Variants in CNGB1 observed in about 807,000 individuals in gnomAD.
CNGB1 encodes cyclic nucleotide gated channel subunit beta 1.
A neutral mutation model predicts 151.7 loss-of-function variants in CNGB1; 126 were observed. The observed-to-expected ratio is 0.83, with a 90% CI of 0.72 to 0.96. The LOEUF (loss-of-function observed/expected upper bound fraction) is 0.96, where lower values mean the gene tolerates loss of function less well. CNGB1 is among the 40% of genes least tolerant of loss of function. The pLI, the probability that CNGB1 is intolerant of heterozygous loss-of-function variation, is 0.00. For missense variants in CNGB1, 1,698 were observed against 1,627.0 expected (o/e 1.04, Z -0.75); for synonymous variants, 623 against 635.1 (o/e 0.98, Z 0.29).
intron 17 of CNGB1, among the ~76,000 whole-genome samples, chr16:57,926,049 G>T (rs1252635862): frequency 6.6e-6 from 1 of 152,156 alleles, no homozygotes; most frequent in African/African-American, 2.4e-5. Flanking sequence ...GAATCCACAG[G>T]CAGGGAGCTT....
intron 16 of CNGB1, among the ~76,000 whole-genome samples, chr16:57,933,505 G>A (rs1202015146): frequency 6.6e-6 from 1 of 152,106 alleles, no homozygotes; most frequent in Non-Finnish European, 1.5e-5. Flanking sequence ...AGGGACTGCA[G>A]GGACAGGTCT....
intron 12 of CNGB1, among the ~76,000 whole-genome samples, chr16:57,951,981 T>A (rs1961959957): frequency 6.6e-6 from 1 of 152,262 alleles, no homozygotes; most frequent in African/African-American, 2.4e-5. Flanking sequence ...GCCCCTGGGG[T>A]TTGGCCAGGG....
At chr16:57,952,244 G>A (rs954502494) in intron 12 of CNGB1, among the ~76,000 whole-genome samples, 2 of 152,212 alleles carry the variant, frequency 1.3e-5, no homozygotes, top group African/African-American at 4.8e-5. Flanking sequence ...GAGAGGCTGA[G>A]TGTCTTGTCC....
chr16:57,947,101 G>A (rs138324229), intron 14 of CNGB1, among the ~76,000 whole-genome samples: 1 of 152,226 alleles, frequency 6.6e-6, no homozygotes, highest in East Asian at 1.9e-4. Context: ...ATGTAAGTGT[G>A]TGCATAACCC....
chr16:57,900,648 G>A (rs567570505), intron 29 of CNGB1, among the ~76,000 whole-genome samples: 5 of 152,152 alleles, frequency 3.3e-5, no homozygotes, highest in African/African-American at 1.2e-4. Context: ...CTAGGGTGGG[G>A]CAGTGGGGAG....
Position 57,952,493 on chromosome 16 carries a change from C to CTTT in CNGB1, c.875-1956_875-1954dup, listed in dbSNP as rs10598722. On this transcript the variant is annotated intron_variant, in intron 12 of 32. Coordinates refer to ENST00000251102, the MANE Select transcript of CNGB1 (RefSeq NM_001297.5). ...TGCGTGGGTGTTTTACAAGCATTTC[C>CTTT]TTTTTTTTTTTTTTTTTTTTTTTTT... Among the ~76,000 whole-genome samples the CTTT allele has an allele frequency of 1.7e-3, 104 of 62,150 alleles. 10 individuals are homozygous for CTTT. Among genetic ancestry groups the CTTT allele is most frequent in the South Asian group, 2.8e-3 (3 of 1,064 alleles). 40.8% of individuals were successfully genotyped at this position (62,150 alleles called of 152,430 possible).
chr16:57,949,954 T>C (rs1263878980), intron 13 of CNGB1, among the ~76,000 whole-genome samples: 1 of 152,178 alleles, frequency 6.6e-6, no homozygotes, highest in Non-Finnish European at 1.5e-5. Flanking sequence ...AATAACAAAA[T>C]TTTGGAACCA....
At chr16:57,885,580 T>TCTCTC (rs746385217) in intron 32 of CNGB1, among the ~76,000 whole-genome samples, 4,888 of 56,194 alleles carry the variant, frequency 0.087, 301 homozygotes, top group East Asian at 0.14. Context: ...CTCTCTCTCT[T>TCTCTC]TCTTTCTTTC....
At chr16:57,965,536 A>G (rs1270725189) in intron 2 of CNGB1, among the ~76,000 whole-genome samples, 1 of 152,090 alleles carries the variant, frequency 6.6e-6, no homozygotes, top group African/African-American at 2.4e-5. Flanking sequence ...CATACACAGA[A>G]GCATGTCCAT....
At chr16:57,957,085 G>A (rs1172811360) in intron 12 of CNGB1, among the ~76,000 whole-genome samples, 3 of 152,212 alleles carry the variant, frequency 2.0e-5, no homozygotes, top group Non-Finnish European at 4.4e-5. Flanking sequence ...CTGGATAGAA[G>A]CTGGACACTG....
At chr16:57,936,439 A>G (rs1211353358) in intron 16 of CNGB1, among the ~76,000 whole-genome samples, 1 of 152,220 alleles carries the variant, frequency 6.6e-6, no homozygotes, top group Admixed American at 6.5e-5. Flanking sequence ...TAAGGTTTAT[A>G]AGGTTTTACC....
In CNGB1 at chr16:57,912,690, T is replaced by G. The variant is rs970846303; in HGVS notation, c.2369+240A>C. 7.9e-5 allele frequency among the ~76,000 whole-genome samples: 12 copies of G among 151,208 alleles called. No individual in the cohort carries two copies. The East Asian group carries it at 2.1e-3, about 27-fold the overall frequency. ...TTTGTGTGTGTTGTTTTGTGTTATA[T>G]CTCTGTTGTGTGTGTGTTGTGCACG... On this transcript the variant is annotated intron_variant, in intron 24 of 32. Transcript: ENST00000251102.
At chr16:57,909,754 C>T (rs1442002444) in intron 25 of CNGB1, among the ~76,000 whole-genome samples, 1 of 152,112 alleles carries the variant, frequency 6.6e-6, no homozygotes, top group Non-Finnish European at 1.5e-5. Flanking sequence ...TGCTCATGCC[C>T]ACCTCCCCCA....
In CNGB1 at chr16:57,910,187, G is replaced by A. The variant is rs563454649; in HGVS notation, c.2492+1566C>T. On this transcript the variant is annotated intron_variant, in intron 25 of 32. Transcript: ENST00000251102. ...GGACACGCCTCATTGTACCCCTCCA[G>A]CGTTAACATCAACACAGACCTTAAG... Among the ~76,000 whole-genome samples the A allele has an allele frequency of 1.1e-3, 171 of 152,226 alleles. 1 individual carries two copies. The highest frequency in any genetic ancestry group is 3.4e-3 in the Middle Eastern group (1 of 294).
In CNGB1 at chr16:57,904,850, C is replaced by A; in HGVS notation, c.2518G>T (p.Val840Leu). 6.2e-7 allele frequency: 1 copy of A among 1,614,152 alleles called. No homozygotes were observed. Among genetic ancestry groups the A allele is most frequent in the Non-Finnish European group, 8.5e-7 (1 of 1,180,028 alleles). ...NSYIRCYYFAVKTLITIGGLP... is the reference protein window; with the variant it reads ...NSYIRCYYFALKTLITIGGLP... Reference sequence around the variant, plus strand: ...CCCCCGATGGTGATGAGGGTCTTCACAGCAAAGTAGTAACAGCGAATATAA... The same window carrying A: ...CCCCCGATGGTGATGAGGGTCTTCAAAGCAAAGTAGTAACAGCGAATATAA... Residue 840 changes from valine (V) to leucine (L), a missense_variant, in exon 26 of 33, where the codon GTG (valine) becomes TTG (leucine). Val to Leu is a conservative substitution (Grantham distance 32). Coordinates refer to ENST00000251102, the MANE Select transcript of CNGB1 (RefSeq NM_001297.5).
chr16:57,955,420 A>ATGAGTGAGTGAG, intron 12 of CNGB1: 1 of 1,434,652 alleles, frequency 7.0e-7, no homozygotes, highest in Non-Finnish European at 9.6e-7. Flanking sequence ...GGCGGAGGGA[A>ATGAGTGAGTGAG]TGAGTGAGTG....
intron 25 of CNGB1, among the ~76,000 whole-genome samples, chr16:57,906,699 G>A (rs1596965928): frequency 1.3e-5 from 2 of 152,236 alleles, no homozygotes; most frequent in South Asian, 2.1e-4. Flanking sequence ...TCGGCTGTCC[G>A]GGAGCTGGGT....
At chr16:57,963,159 T>C in intron 4 of CNGB1, 95 bp from the exon 5 acceptor site, 2 of 920,240 alleles carry the variant, frequency 2.2e-6, no homozygotes, top group Non-Finnish European at 3.6e-6. Context: ...TGTCCCTGAG[T>C]GTCACTGTCA....
chr16:57,910,318 A>C (rs382533), intron 25 of CNGB1, among the ~76,000 whole-genome samples: 65,827 of 151,714 alleles, frequency 0.43, 15,157 homozygotes, highest in African/African-American at 0.61. Context: ...TAACCCAGAC[A>C]TTTCTTTCTA....
Sources: gnomAD v4.1 joint callset for allele counts (sites outside exome capture counted in the v4.1 genomes callset) on GRCh38, gnomAD v4.1.1 for gene constraint, MANE v1.5 for transcripts, NCBI Gene and HGNC (gene_info 2026-07-23, HGNC 2026-07-21) for gene names.